Variants in CYP4X1 observed in about 807,000 individuals in gnomAD.
CYP4X1 encodes cytochrome P450 family 4 subfamily X member 1, also known as cytochrome P450 4X1.
Under a neutral mutation model 57.9 loss-of-function variants are expected in CYP4X1, and 44 were observed. The observed-to-expected ratio is 0.76, with a 90% CI of 0.60 to 0.98. The LOEUF (loss-of-function observed/expected upper bound fraction) is 0.98, where lower values mean the gene tolerates loss of function less well. Among genes scored for constraint, CYP4X1 ranks in the 50% least tolerant of loss-of-function variants. The pLI is 0.00. For synonymous variants in CYP4X1, 227 were observed against 228.6 expected, an observed-to-expected ratio of 0.99 and a Z score of 0.06; for missense variants, 532 against 623.9, an observed-to-expected ratio of 0.85 and a Z score of 1.57.
Position 47,035,941 on chromosome 1 carries a change from G to A in CYP4X1, c.620+8G>A. ...CAACTGCCAGACAAACAGGTCAGTG[G>A]TGGGAGAGCAAAAAAGATATTTCTT... On this transcript the variant is annotated splice_region_variant and intron_variant, in intron 5 of 11. Coordinates refer to ENST00000371901, the MANE Select transcript of CYP4X1 (RefSeq NM_178033.2). 6.2e-7 allele frequency: 1 copy of A among 1,613,196 alleles called. No homozygotes were observed. Among genetic ancestry groups the A allele is most frequent in the Non-Finnish European group, 8.5e-7 (1 of 1,179,542 alleles).
intron 1 of CYP4X1, among the ~76,000 whole-genome samples, chr1:47,024,932 T>A (rs1644045651): frequency 6.6e-6 from 1 of 152,196 alleles, no homozygotes; most frequent in Non-Finnish European, 1.5e-5. Flanking sequence ...CTTTTATCGG[T>A]TTCTTCTGGT....
chr1:46,965,237 C>T, the CYP4X1 span, among the ~76,000 whole-genome samples: 1 of 152,132 alleles, frequency 6.6e-6, no homozygotes, highest in African/African-American at 2.4e-5. Context: ...GTGTGCTGCA[C>T]CCACTGTGCT....
intron 1 of CYP4X1, among the ~76,000 whole-genome samples, chr1:47,025,268 A>G (rs1187554686): frequency 2.6e-5 from 4 of 152,070 alleles, no homozygotes; most frequent in African/African-American, 7.2e-5. Context: ...TCTGCACACA[A>G]CTGCTCCTGT....
chr1:46,996,144 A>C, the CYP4X1 span, among the ~76,000 whole-genome samples: 9 of 152,250 alleles, frequency 5.9e-5, no homozygotes, highest in African/African-American at 1.9e-4. Flanking sequence ...CAACTCTACG[A>C]AACTGTTTCT....
downstream of CYP4X1, among the ~76,000 whole-genome samples, chr1:47,054,464 T>G (rs1221517410): frequency 2.6e-5 from 4 of 151,918 alleles, no homozygotes; most frequent in Non-Finnish European, 5.9e-5. Flanking sequence ...AGAAAGTCAT[T>G]GGTAGCTTGA....
upstream of CYP4X1, among the ~76,000 whole-genome samples, chr1:47,022,085 A>G (rs887072261): frequency 2.6e-5 from 4 of 152,138 alleles, no homozygotes; most frequent in Admixed American, 1.3e-4. Flanking sequence ...GCCATGAGTT[A>G]CCCAGAAGAA....
chr1:47,048,711 C>T, intron 10 of CYP4X1, 82 bp downstream of exon 10: 1 of 1,294,856 alleles, frequency 7.7e-7, no homozygotes, highest in Non-Finnish European at 1.1e-6. Context: ...ACAGAAGTGG[C>T]TATATAATTA....
At chr1:46,962,762 T>C in the CYP4X1 span, among the ~76,000 whole-genome samples, 1 of 152,216 alleles carries the variant, frequency 6.6e-6, no homozygotes, top group African/African-American at 2.4e-5. Context: ...AGATATGTAT[T>C]AGGTCTGCTT....
chr1:46,981,298 C>CA, the CYP4X1 span, among the ~76,000 whole-genome samples: 1 of 151,874 alleles, frequency 6.6e-6, no homozygotes, highest in Non-Finnish European at 1.5e-5. Context: ...AAAAATCAGA[C>CA]ACTCCATCAA....
the CYP4X1 span, among the ~76,000 whole-genome samples, chr1:47,016,393 G>A: frequency 1.3e-5 from 2 of 150,402 alleles, no homozygotes; most frequent in South Asian, 2.1e-4. Flanking sequence ...CCAGGCTGCA[G>A]TGCAGTGGCG....
chr1:47,018,751 GT>G (rs1401309889), upstream of CYP4X1, among the ~76,000 whole-genome samples: 1 of 152,122 alleles, frequency 6.6e-6, no homozygotes, highest in Non-Finnish European at 1.5e-5. Context: ...ATAAAGCATG[GT>G]TTAGGTTTCA....
intron 8 of CYP4X1, among the ~76,000 whole-genome samples, chr1:47,040,959 C>G (rs368982179): frequency 1.2e-3 from 180 of 152,226 alleles, no homozygotes; most frequent in African/African-American, 4.1e-3. Flanking sequence ...CCCATTCTCC[C>G]ACAGCCCCTG....
chr1:46,962,808 G>T, the CYP4X1 span, among the ~76,000 whole-genome samples: 1 of 152,204 alleles, frequency 6.6e-6, no homozygotes, highest in African/African-American at 2.4e-5. Context: ...GATATCGGTT[G>T]TTAACTTTCT....
chr1:47,041,077 A>G (rs1394477784), intron 8 of CYP4X1, among the ~76,000 whole-genome samples: 1 of 152,152 alleles, frequency 6.6e-6, no homozygotes, highest in Non-Finnish European at 1.5e-5. Flanking sequence ...CACTTAGCAT[A>G]ATGTCATCCA....
intron 8 of CYP4X1, 67 bp downstream of exon 8, chr1:47,039,599 T>G: frequency 6.5e-5 from 85 of 1,301,018 alleles, no homozygotes; most frequent in East Asian, 7.7e-5. Flanking sequence ...TTTTTTGCGC[T>G]GGTACCTTAG....
At chr1:46,977,841 AT>A in the CYP4X1 span, among the ~76,000 whole-genome samples, 1 of 152,078 alleles carries the variant, frequency 6.6e-6, no homozygotes, top group Non-Finnish European at 1.5e-5. Flanking sequence ...AAAAAAAAGA[AT>A]TTTCAACCCA....
chr1:46,993,891 T>G, the CYP4X1 span, among the ~76,000 whole-genome samples: 1 of 152,232 alleles, frequency 6.6e-6, no homozygotes, highest in African/African-American at 2.4e-5. Flanking sequence ...GCCTATTCAC[T>G]CTGATGGTAG....
intron 8 of CYP4X1, among the ~76,000 whole-genome samples, chr1:47,041,841 A>G (rs950858439): frequency 6.6e-6 from 1 of 152,098 alleles, no homozygotes; most frequent in African/African-American, 2.4e-5. Flanking sequence ...GTTGTATCCA[A>G]AAAATCATTG....
the CYP4X1 span, among the ~76,000 whole-genome samples, chr1:46,974,317 T>C: frequency 1.3e-5 from 2 of 152,026 alleles, no homozygotes; most frequent in African/African-American, 4.8e-5. Context: ...GTTTTTTCTT[T>C]AATTTGTTGA....
Sources: gnomAD v4.1 joint callset for allele counts (sites outside exome capture counted in the v4.1 genomes callset) on GRCh38, gnomAD v4.1.1 for gene constraint, MANE v1.5 for transcripts, NCBI Gene and HGNC (gene_info 2026-07-23, HGNC 2026-07-21) for gene names.